The following PDE10A variants were observed in gnomAD, a reference collection of about 807,000 sequenced individuals.
PDE10A encodes the protein phosphodiesterase 10A.
Under a neutral mutation model 97.7 loss-of-function variants are expected in PDE10A, and 39 were observed. The ratio of observed to expected loss-of-function variants is 0.40; its 90% CI spans 0.31 to 0.52. The LOEUF (loss-of-function observed/expected upper bound fraction) is 0.52. PDE10A is among the 20% of genes least tolerant of loss of function. PDE10A has a pLI of 0.56. For synonymous variants in PDE10A, 371 were observed against 376.8 expected (o/e 0.98, Z 0.18); for missense variants, 731 against 1,047.8 (o/e 0.70, Z 4.17).
In PDE10A at chr6:165,426,514, C is replaced by T. The variant is rs545067350; in HGVS notation, c.1653+2144G>A. Among the ~76,000 whole-genome samples, 168 of 152,182 alleles carry T rather than the reference C, an allele frequency of 1.1e-3. 1 individual carries two copies. Among genetic ancestry groups the T allele is most frequent in the Non-Finnish European group, 7.8e-4 (53 of 67,986 alleles). On this transcript the variant is annotated intron_variant, in intron 10 of 21. Transcript: ENST00000539869. The stretch of plus-strand genomic sequence containing the variant: ...AAGACCTAAATATAAGAGTTAAAAA[C>T]CCTACAACTCTTAGAAGAAAATATC...
At chr6:165,568,893 CTA>C (rs1366092446) in intron 1 of PDE10A, among the ~76,000 whole-genome samples, 1 of 152,198 alleles carries the variant, frequency 6.6e-6, no homozygotes, top group East Asian at 1.9e-4. Flanking sequence ...TAAAAAGACA[CTA>C]TTCTGGAAAA....
At position 165,368,739 on chromosome 6, in the gene PDE10A, C is replaced by T. The variant is rs189334698; in HGVS notation, c.2783+10455G>A. On this transcript the variant is annotated intron_variant, in intron 18 of 21. Coordinates refer to ENST00000539869, the MANE Select transcript of PDE10A (RefSeq NM_001385079.1). ...GAAGAGAGCAGTGGTTCTCCCAGCA[C>T]GTAGCTGGAGATCTGAGAACGGGCA... Among the ~76,000 whole-genome samples, 229 of 152,310 alleles carry T rather than the reference C, an allele frequency of 1.5e-3. 1 individual carries two copies. Among genetic ancestry groups the T allele is most frequent in the African/African-American group, 5.1e-3 (213 of 41,574 alleles).
At chr6:165,891,476 C>T (rs1781793540) in intron 1 of PDE10A, among the ~76,000 whole-genome samples, 1 of 152,142 alleles carries the variant, frequency 6.6e-6, no homozygotes, top group South Asian at 2.1e-4. Flanking sequence ...GAGAACCAGC[C>T]CCTCAGCGTC....
intron 1 of PDE10A, among the ~76,000 whole-genome samples, chr6:165,621,558 T>C (rs923048892): frequency 6.6e-6 from 1 of 151,946 alleles, no homozygotes; most frequent in Non-Finnish European, 1.5e-5. Flanking sequence ...GAGTTCAAGA[T>C]GAGCCTGGCC....
At chr6:165,770,351 G>C (rs927834701) in intron 1 of PDE10A, among the ~76,000 whole-genome samples, 2 of 152,002 alleles carry the variant, frequency 1.3e-5, no homozygotes, top group African/African-American at 4.8e-5. Flanking sequence ...AAGAAGGAAA[G>C]AGAAATCAGA....
At chr6:165,617,366 T>C (rs560227121) in intron 1 of PDE10A, among the ~76,000 whole-genome samples, 1 of 152,046 alleles carries the variant, frequency 6.6e-6, no homozygotes, top group African/African-American at 2.4e-5. Flanking sequence ...AAAAATTGAG[T>C]TGGAGTCTCA....
chr6:165,910,606 G>C (rs1782427671), intron 1 of PDE10A, among the ~76,000 whole-genome samples: 1 of 152,072 alleles, frequency 6.6e-6, no homozygotes, highest in Non-Finnish European at 1.5e-5. Context: ...AAGGGATAAA[G>C]CTTTAGCTCC....
intron 1 of PDE10A, among the ~76,000 whole-genome samples, chr6:165,942,646 A>G (rs1783569218): frequency 1.3e-5 from 2 of 152,092 alleles, no homozygotes; most frequent in Admixed American, 6.5e-5. Context: ...AGCTTGTTCC[A>G]TTCAAATCCC....
At chr6:165,803,097 C>A (rs1157183166) in intron 1 of PDE10A, among the ~76,000 whole-genome samples, 1 of 152,166 alleles carries the variant, frequency 6.6e-6, no homozygotes. Context: ...AATGATTGAA[C>A]TTGACAATTC....
At chr6:165,808,873 T>C (rs866030371) in intron 1 of PDE10A, among the ~76,000 whole-genome samples, 2 of 152,222 alleles carry the variant, frequency 1.3e-5, no homozygotes, top group Non-Finnish European at 2.9e-5. Flanking sequence ...GGGTGGAATT[T>C]TTCTCTCACG....
intron 1 of PDE10A, among the ~76,000 whole-genome samples, chr6:165,582,513 C>T (rs1268041797): frequency 6.6e-6 from 1 of 151,602 alleles, no homozygotes; most frequent in Non-Finnish European, 1.5e-5. Context: ...ATAAATCTAC[C>T]TATGTTTAAA....
chr6:165,981,904 T>C (rs1483782924), intron 1 of PDE10A, among the ~76,000 whole-genome samples: 3 of 152,208 alleles, frequency 2.0e-5, no homozygotes, highest in Admixed American at 6.5e-5. Flanking sequence ...CATTAATCTG[T>C]TGGAAAGATC....
At chr6:165,899,721 G>A (rs1336913892) in intron 1 of PDE10A, among the ~76,000 whole-genome samples, 4 of 152,164 alleles carry the variant, frequency 2.6e-5, no homozygotes, top group South Asian at 2.1e-4. Context: ...TGCGCTGGCC[G>A]GGCTGTACCA....
chr6:165,425,576 T>C (rs1789066037), intron 10 of PDE10A, among the ~76,000 whole-genome samples: 1 of 151,964 alleles, frequency 6.6e-6, no homozygotes, highest in South Asian at 2.1e-4. Flanking sequence ...CACAAAAAAA[T>C]CATATTTAAC....
intron 1 of PDE10A, among the ~76,000 whole-genome samples, chr6:165,788,557 A>G (rs1260291906): frequency 2.0e-5 from 3 of 148,062 alleles, no homozygotes; most frequent in Admixed American, 6.8e-5. Flanking sequence ...AAAGAAAAAG[A>G]AAAAAAAAAG....
intron 1 of PDE10A, among the ~76,000 whole-genome samples, chr6:165,850,184 C>G (rs891390279): frequency 6.6e-6 from 1 of 152,230 alleles, no homozygotes; most frequent in Non-Finnish European, 1.5e-5. Context: ...CTGGGCCAGG[C>G]GCTGACAGCT....
At chr6:165,788,534 A>AAAG (rs1554321893) in intron 1 of PDE10A, among the ~76,000 whole-genome samples, 2 of 150,148 alleles carry the variant, frequency 1.3e-5, no homozygotes, top group East Asian at 3.9e-4. Context: ...AAAAAAAAAA[A>AAAG]AAAAAGAAAA....
At chr6:165,919,643 T>C (rs1782698786) in intron 1 of PDE10A, among the ~76,000 whole-genome samples, 1 of 152,204 alleles carries the variant, frequency 6.6e-6, no homozygotes, top group Non-Finnish European at 1.5e-5. Context: ...ATAAAAAACA[T>C]TCTGAGCTTG....
chr6:165,906,948 A>G (rs1562792665), intron 1 of PDE10A, among the ~76,000 whole-genome samples: 2 of 152,204 alleles, frequency 1.3e-5, no homozygotes, highest in African/African-American at 2.4e-5. Flanking sequence ...TTGCAGAAGG[A>G]AGGAATGCAA....
Sources: gnomAD v4.1 joint callset for allele counts (sites outside exome capture counted in the v4.1 genomes callset) on GRCh38, gnomAD v4.1.1 for gene constraint, MANE v1.5 for transcripts, NCBI Gene and HGNC (gene_info 2026-07-23, HGNC 2026-07-21) for gene names.